Variants in EXOSC6 observed in about 807,000 individuals in gnomAD.
EXOSC6 encodes the protein exosome component 6, also known as exosome complex component MTR3.
A neutral mutation model predicts 16.7 loss-of-function variants in EXOSC6; 21 were observed. The observed-to-expected ratio is 1.26, with a 90% CI of 0.89 to 1.82. EXOSC6 has a LOEUF of 1.82. Among genes scored for constraint, EXOSC6 ranks in the 40% most tolerant of loss-of-function variants. EXOSC6 has a pLI of 0.00. For missense variants in EXOSC6, 538 were observed against 415.7 expected, an observed-to-expected ratio of 1.29 and a Z score of -2.56; for synonymous variants, 297 against 217.1, an observed-to-expected ratio of 1.37 and a Z score of -3.24.
In EXOSC6 at chr16:70,251,785, A is replaced by G. The variant is rs1013769970; in HGVS notation, c.116T>C (p.Val39Ala). The G allele has an allele frequency of 6.8e-7, 1 of 1,472,410 alleles. No individual in the cohort carries two copies. The highest frequency in any genetic ancestry group is 8.9e-7 in the Non-Finnish European group (1 of 1,122,870). The allele number at this position is 1,472,410 out of a possible 1,614,324, so 91.2% of individuals were successfully genotyped here. The stretch of plus-strand genomic sequence containing the variant: ...GCTCAGCAGCCCGGCGCGCGCGTAC[A>G]CGGGCCGTAGCCGCGTTGGGTCGCG... ...GTRDPTRLRP[V>A]YARAGLLSQA... Residue 39 changes from valine to alanine, a missense_variant, in exon 1 of 1, where the codon GTG (valine) becomes GCG (alanine). Transcript: ENST00000435634.
Position 70,251,334 on chromosome 16 carries a change from C to T in EXOSC6, c.567G>A (p.Pro189=). The change falls in exon 1 of 1, where the codon CCG becomes CCA. Residue 189 remains proline, a synonymous_variant. Coordinates refer to ENST00000435634, the MANE Select transcript of EXOSC6 (RefSeq NM_058219.3). ...LVVGCGLSLA[P]GPAPTWLLDP... is the part of the protein sequence containing the mutation. ...CCAGGAGCCAGGTGGGCGCGGGCCC[C>T]GGCGCGAGGCTGAGGCCGCAGCCCA... is the stretch of plus-strand genomic sequence containing the variant. 1 of 1,378,056 alleles carries T rather than the reference C, an allele frequency of 7.3e-7. No individual in the cohort carries two copies. The highest frequency in any genetic ancestry group is 9.3e-7 in the Non-Finnish European group (1 of 1,072,316). 85.4% of individuals were successfully genotyped at this position (1,378,056 alleles called of 1,614,324 possible). A position where few individuals can be genotyped will look rare whatever the true frequency, so the allele number is the denominator to read the frequency against.
Position 70,250,869 on chromosome 16 carries a change from T to C in EXOSC6, c.*213A>G. 2.0e-6 allele frequency: 1 copy of C among 506,752 alleles called. No individual in the cohort carries two copies. The highest frequency in any genetic ancestry group is 3.2e-6 in the Non-Finnish European group (1 of 311,788). The allele number at this position is 506,752 out of a possible 1,614,324, so 31.4% of individuals were successfully genotyped here. A position where few individuals can be genotyped will look rare whatever the true frequency, so the allele number is the denominator to read the frequency against. ...GGTCCAGCTCCACCACAAGCGCAGC[T>C]CCAGGGGCTGTTGAGTTTTGCCTTT... is the stretch of plus-strand genomic sequence containing the variant. On this transcript the variant is annotated 3_prime_UTR_variant, in exon 1 of 1. Coordinates refer to ENST00000435634, the MANE Select transcript of EXOSC6 (RefSeq NM_058219.3).
rs1959809429 is a variant in EXOSC6 at position 70,251,228 on chromosome 16, G to T, written c.673C>A (p.Leu225Met). The change falls in exon 1 of 1, where the codon CTG becomes ATG. Residue 225 changes from leucine (L) to methionine (M), a missense_variant. By Grantham distance (15) the Leu-to-Met change is conservative (BLOSUM62 2). Coordinates refer to ENST00000435634, the MANE Select transcript of EXOSC6 (RefSeq NM_058219.3). The part of the protein sequence containing the change: ...LMPVLNQVAG[L>M]LGSGEGGLTE... Reference sequence around the variant, plus strand: ...AGGCCGCCCTCGCCGCTGCCCAGCAGCCCGGCCACCTGATTCAGCACAGGC... The same window carrying T: ...AGGCCGCCCTCGCCGCTGCCCAGCATCCCGGCCACCTGATTCAGCACAGGC... The T allele has an allele frequency of 6.6e-7, 1 of 1,506,842 alleles. No homozygotes were observed. Among genetic ancestry groups the T allele is most frequent in the Non-Finnish European group, 8.8e-7 (1 of 1,135,202 alleles). 93.3% of individuals were successfully genotyped at this position (1,506,842 alleles called of 1,614,324 possible). A position where few individuals can be genotyped will look rare whatever the true frequency, so the allele number is the denominator to read the frequency against.
chr16:70,251,308 T>C lies in EXOSC6; in HGVS notation c.593A>G (p.Asp198Gly), dbSNP rs1365325825. ...GCGCTCTTCCTCGAGCCGCGTGGGG[T>C]CCAGGAGCCAGGTGGGCGCGGGCCC... ...APGPAPTWLL[D>G]PTRLEEERAA... The change falls in exon 1 of 1, where the codon GAC becomes GGC. Residue 198 changes from aspartate to glycine, a missense_variant. Asp to Gly is a moderately conservative substitution (Grantham distance 94, BLOSUM62 -1). Coordinates refer to ENST00000435634, the MANE Select transcript of EXOSC6 (RefSeq NM_058219.3). The C allele has an allele frequency of 2.9e-6, 4 of 1,400,792 alleles. No individual in the cohort carries two copies. The highest frequency in any genetic ancestry group is 1.5e-5 in the African/African-American group (1 of 65,988). 86.8% of individuals were successfully genotyped at this position (1,400,792 alleles called of 1,614,324 possible). A position where few individuals can be genotyped will look rare whatever the true frequency, so the allele number is the denominator to read the frequency against.
At position 70,251,895 on chromosome 16, in the gene EXOSC6, A is replaced by G; in HGVS notation, c.6T>C (p.Pro2=). The change falls in exon 1 of 1, where the codon CCT becomes CCC. Residue 2 remains proline, a synonymous_variant. Transcript: ENST00000435634. ...GGCCGCGGATGCGGCGGTGATCCCC[A>G]GGCATGGCGGTTCTTGGCGTGCGAA... M[P]GDHRRIRGPE... 6.5e-7 allele frequency: 1 copy of G among 1,536,782 alleles called. No individual in the cohort carries two copies. The highest frequency in any genetic ancestry group is 1.4e-5 in the African/African-American group (1 of 70,408).
At position 70,251,498 on chromosome 16, in the gene EXOSC6, G is replaced by A. The variant is rs769948694; in HGVS notation, c.403C>T (p.Arg135Cys). 11 of 1,297,746 alleles carry A rather than the reference G, an allele frequency of 8.5e-6. No individual in the cohort carries two copies. Among genetic ancestry groups the A allele is most frequent in the Admixed American group, 3.3e-5 (1 of 29,908 alleles). The allele number at this position is 1,297,746 out of a possible 1,614,324, so 80.4% of individuals were successfully genotyped here. The change falls in exon 1 of 1, where the codon CGC (arginine) becomes TGC (cysteine). Residue 135 changes from arginine (R) to cysteine (C), a missense_variant. Transcript: ENST00000435634. ...ALQEALEPAV[R>C]LGRYPRAQLE... ...TGCGCGCGCGGGTAGCGGCCCAGGC[G>A]CACAGCCGGCTCCAGCGCCTCCTGC... is the stretch of plus-strand genomic sequence containing the variant.
At position 70,247,114 on chromosome 16, in the gene EXOSC6, A is replaced by AGTGCATGCCTGTAG; in HGVS notation, c.*3967_*3968insCTACAGGCATGCAC. On this transcript the variant is annotated 3_prime_UTR_variant, in exon 1 of 1. Transcript: ENST00000435634. ...AGTTAAAAAAAAAATTGACTTGTAA[A>AGTGCATGCCTGTAG]TCCCAACTACTCGGGAGGCTGAGAC... 6.1e-6 allele frequency: 2 copies of AGTGCATGCCTGTAG among 328,592 alleles called. No homozygotes were observed. The highest frequency in any genetic ancestry group is 1.2e-5 in the Non-Finnish European group (2 of 173,204). 20.4% of individuals were successfully genotyped at this position (328,592 alleles called of 1,614,324 possible).
Position 70,251,441 on chromosome 16 carries a change from C to T in EXOSC6, c.460G>A (p.Gly154Ser), listed in dbSNP as rs1165082137. 1.5e-6 allele frequency: 2 copies of T among 1,345,760 alleles called. No individual in the cohort carries two copies. The highest frequency in any genetic ancestry group is 9.5e-7 in the Non-Finnish European group (1 of 1,051,036). The allele number at this position is 1,345,760 out of a possible 1,614,324, so 83.4% of individuals were successfully genotyped here. The change falls in exon 1 of 1, where the codon GGT becomes AGT. Residue 154 changes from glycine to serine, a missense_variant. Transcript: ENST00000435634. ...AGCGCGGCGGCCAGGGCCGAGCCAC[C>T]GTCCTCCAGCAGCAGCGCCGACACC... is the stretch of plus-strand genomic sequence containing the variant. ...LEVSALLLED[G>S]GSALAAALTA...
rs778794234 is a variant in EXOSC6 at position 70,251,101 on chromosome 16, CCCCTGCGGCGGGCGG to C, written c.785_799del (p.Ala262_Arg266del). 6 of 1,492,984 alleles carry C rather than the reference CCCCTGCGGCGGGCGG, an allele frequency of 4.0e-6. No individual in the cohort carries two copies. The African/African-American group carries it at 8.8e-5, about 22-fold the overall frequency. The allele number at this position is 1,492,984 out of a possible 1,614,324, so 92.5% of individuals were successfully genotyped here. A position where few individuals can be genotyped will look rare whatever the true frequency, so the allele number is the denominator to read the frequency against. On this transcript the variant is annotated inframe_deletion, in exon 1 of 1. Coordinates refer to ENST00000435634, the MANE Select transcript of EXOSC6 (RefSeq NM_058219.3). ...TCTGGTTCAGGGCTGGGCGGCGGCG[CCCCTGCGGCGGGCGG>C]CCCGCACCAGGCTCTGCTGCAGCAC...
At position 70,247,000 on chromosome 16, in the gene EXOSC6, T is replaced by C; in HGVS notation, c.*4082A>G. 2.0e-6 allele frequency: 1 copy of C among 501,770 alleles called. No homozygotes were observed. The highest frequency in any genetic ancestry group is 1.5e-5 in the South Asian group (1 of 66,686). 31.1% of individuals were successfully genotyped at this position (501,770 alleles called of 1,614,324 possible). Reference sequence around the variant, plus strand: ...AATGAGGAATTCACCCTAAAATTAGTGTGGAGAAAACAAGCAAATTAGGTT... The same window carrying C: ...AATGAGGAATTCACCCTAAAATTAGCGTGGAGAAAACAAGCAAATTAGGTT... On this transcript the variant is annotated 3_prime_UTR_variant, in exon 1 of 1. Transcript: ENST00000435634.
Position 70,249,970 on chromosome 16 carries a change from A to T in EXOSC6, c.*1112T>A, listed in dbSNP as rs954831259. ...TGTCTCAAAAAATAAATATAAAAAA[A>T]TAAAAAGCTGCTATTCTCCATTAAT... On this transcript the variant is annotated 3_prime_UTR_variant, in exon 1 of 1. Transcript: ENST00000435634. The T allele has an allele frequency of 6.6e-6, 1 of 152,154 alleles. No homozygotes were observed. Among genetic ancestry groups the T allele is most frequent in the Non-Finnish European group, 1.5e-5 (1 of 68,038 alleles). The allele number at this position is 152,154 out of a possible 1,614,324, so 9.4% of individuals were successfully genotyped here. A position where few individuals can be genotyped will look rare whatever the true frequency, so the allele number is the denominator to read the frequency against.
chr16:70,247,128 G>A lies in EXOSC6; in HGVS notation c.*3954C>T. ...TTGACTTGTAAATCCCAACTACTCG[G>A]GAGGCTGAGACACAAGAATCGCTTG... On this transcript the variant is annotated 3_prime_UTR_variant, in exon 1 of 1. Transcript: ENST00000435634. The A allele has an allele frequency of 3.1e-6, 1 of 319,618 alleles. No individual in the cohort carries two copies. Among genetic ancestry groups the A allele is most frequent in the Non-Finnish European group, 5.9e-6 (1 of 168,384 alleles). 19.8% of individuals were successfully genotyped at this position (319,618 alleles called of 1,614,324 possible).
rs1959755894 is a variant in EXOSC6, at chr16:70,249,300, A to G, written c.*1782T>C. The G allele has an allele frequency of 6.6e-6, 1 of 152,548 alleles. No individual in the cohort carries two copies. The highest frequency in any genetic ancestry group is 1.5e-5 in the Non-Finnish European group (1 of 68,296). 9.4% of individuals were successfully genotyped at this position (152,548 alleles called of 1,614,324 possible). A position where few individuals can be genotyped will look rare whatever the true frequency, so the allele number is the denominator to read the frequency against. On this transcript the variant is annotated 3_prime_UTR_variant, in exon 1 of 1. Coordinates refer to ENST00000435634, the MANE Select transcript of EXOSC6 (RefSeq NM_058219.3). Reference sequence around the variant, plus strand: ...GTAATACCAGCTACTTAGGAGGCTGAGGCAGGAGAATCGCTTGAACCTGGG... The same window carrying G: ...GTAATACCAGCTACTTAGGAGGCTGGGGCAGGAGAATCGCTTGAACCTGGG...
chr16:70,251,335 G>C lies in EXOSC6; in HGVS notation c.566C>G (p.Pro189Arg). The change falls in exon 1 of 1, where the codon CCG becomes CGG. Residue 189 changes from proline (P) to arginine (R), a missense_variant. By Grantham distance (103) the Pro-to-Arg change is moderately radical (BLOSUM62 -2). Coordinates refer to ENST00000435634, the MANE Select transcript of EXOSC6 (RefSeq NM_058219.3). ...LVVGCGLSLA[P>R]GPAPTWLLDP... ...CAGGAGCCAGGTGGGCGCGGGCCCC[G>C]GCGCGAGGCTGAGGCCGCAGCCCAC... 1 of 1,378,856 alleles carries C rather than the reference G, an allele frequency of 7.3e-7. No homozygotes were observed. Among genetic ancestry groups the C allele is most frequent in the Non-Finnish European group, 9.3e-7 (1 of 1,072,772 alleles). The allele number at this position is 1,378,856 out of a possible 1,614,324, so 85.4% of individuals were successfully genotyped here.
rs1400519006 is a variant in EXOSC6 at position 70,248,106 on chromosome 16, T to C, written c.*2976A>G. On this transcript the variant is annotated 3_prime_UTR_variant, in exon 1 of 1. Transcript: ENST00000435634. ...TATTTTGCAATAGCCAATGTTATAA[T>C]CTACACAGGCACAGACTATCAATGC... 6.6e-6 allele frequency: 1 copy of C among 152,160 alleles called. No individual in the cohort carries two copies. The highest frequency in any genetic ancestry group is 1.5e-5 in the Non-Finnish European group (1 of 68,026). The allele number at this position is 152,160 out of a possible 1,614,324, so 9.4% of individuals were successfully genotyped here.
In EXOSC6 at chr16:70,251,880, G is replaced by A; in HGVS notation, c.21C>T (p.Arg7=). The A allele has an allele frequency of 1.3e-6, 2 of 1,547,230 alleles. No individual in the cohort carries two copies. Among genetic ancestry groups the A allele is most frequent in the Non-Finnish European group, 1.7e-6 (2 of 1,157,188 alleles). Residue 7 remains arginine, a synonymous_variant, in exon 1 of 1, where the codon CGC becomes CGT. Coordinates refer to ENST00000435634, the MANE Select transcript of EXOSC6 (RefSeq NM_058219.3). ...GCTGCGATTCTTCAGGGCCGCGGAT[G>A]CGGCGGTGATCCCCAGGCATGGCGG... MPGDHR[R]IRGPEESQPP...
At position 70,250,048 on chromosome 16, in the gene EXOSC6, A is replaced by G. The variant is rs1959772450; in HGVS notation, c.*1034T>C. Reference sequence around the variant, plus strand: ...GGAATTCTAGATGAATGGAATGAATACAACTTGCTGGAAGTTCTTAGGAAA... The same window carrying G: ...GGAATTCTAGATGAATGGAATGAATGCAACTTGCTGGAAGTTCTTAGGAAA... On this transcript the variant is annotated 3_prime_UTR_variant, in exon 1 of 1. Transcript: ENST00000435634. 6.6e-6 allele frequency: 1 copy of G among 152,208 alleles called. No individual in the cohort carries two copies. The highest frequency in any genetic ancestry group is 2.4e-5 in the African/African-American group (1 of 41,454). 9.4% of individuals were successfully genotyped at this position (152,208 alleles called of 1,614,324 possible).
Position 70,251,628 on chromosome 16 carries a change from C to A in EXOSC6, c.273G>T (p.Ala91=). ...AGTCGCAGAGCAGGCGACCGCGCAGCGCGGCCGGGGCCTCGCCGCCTGCTC... is the reference window on the plus strand; with the variant it reads ...AGTCGCAGAGCAGGCGACCGCGCAGAGCGGCCGGGGCCTCGCCGCCTGCTC... The part of the protein sequence containing the change: ...PAGAGGEAPA[A]LRGRLLCDFR... Residue 91 remains alanine (A), a synonymous_variant, in exon 1 of 1, where the codon GCG becomes GCT. Coordinates refer to ENST00000435634, the MANE Select transcript of EXOSC6 (RefSeq NM_058219.3). 1 of 1,085,540 alleles carries A rather than the reference C, an allele frequency of 9.2e-7. No homozygotes were observed. The highest frequency in any genetic ancestry group is 1.1e-6 in the Non-Finnish European group (1 of 897,316). The allele number at this position is 1,085,540 out of a possible 1,614,324, so 67.2% of individuals were successfully genotyped here.
Position 70,249,770 on chromosome 16 carries a change from T to C in EXOSC6, c.*1312A>G, listed in dbSNP as rs569122785. 6.6e-6 allele frequency: 1 copy of C among 152,146 alleles called. No individual in the cohort carries two copies. The highest frequency in any genetic ancestry group is 1.5e-5 in the Non-Finnish European group (1 of 67,998). 9.4% of individuals were successfully genotyped at this position (152,146 alleles called of 1,614,324 possible). A position where few individuals can be genotyped will look rare whatever the true frequency, so the allele number is the denominator to read the frequency against. On this transcript the variant is annotated 3_prime_UTR_variant, in exon 1 of 1. Transcript: ENST00000435634. Reference sequence around the variant, plus strand: ...TTTGAGACCAGCTTGGCCAACATGATGAAACCCCATCTTCTCTAAAAATAC... The same window carrying C: ...TTTGAGACCAGCTTGGCCAACATGACGAAACCCCATCTTCTCTAAAAATAC...
Sources: gnomAD v4.1 joint callset for allele counts on GRCh38, gnomAD v4.1.1 for gene constraint, MANE v1.5 for transcripts, NCBI Gene and HGNC (gene_info 2026-07-23, HGNC 2026-07-21) for gene names.